The following SYN2 variants were observed in gnomAD, a reference collection of about 807,000 sequenced individuals.
The protein encoded by SYN2 is synapsin-2.
Under a neutral mutation model 50.9 loss-of-function variants are expected in SYN2, and 19 were observed. The ratio of observed to expected loss-of-function variants is 0.37; its 90% CI spans 0.26 to 0.55. SYN2 has a LOEUF of 0.55. SYN2 is among the 20% of genes least tolerant of loss of function. The pLI, the probability that SYN2 is intolerant of heterozygous loss-of-function variation, is 0.81. For missense variants in SYN2, 587 were observed against 576.4 expected, an observed-to-expected ratio of 1.02 and a Z score of -0.19; for synonymous variants, 255 against 224.9, an observed-to-expected ratio of 1.13 and a Z score of -1.20.
intron 1 of SYN2, among the ~76,000 whole-genome samples, chr3:12,111,958 T>C (rs1696326670): frequency 6.6e-6 from 1 of 152,212 alleles, no homozygotes; most frequent in South Asian, 2.1e-4. Context: ...GCATCATTGT[T>C]GTATCCAGCA....
intron 1 of SYN2, among the ~76,000 whole-genome samples, chr3:12,065,592 A>G (rs1344359516): frequency 6.6e-6 from 1 of 152,160 alleles, no homozygotes; most frequent in African/African-American, 2.4e-5. Flanking sequence ...ATGAATTAAT[A>G]ACAGGAACAG....
At position 12,134,212 on chromosome 3, in the gene SYN2, G is replaced by A. The variant is rs560148881; in HGVS notation, c.378-6439G>A. Among the ~76,000 whole-genome samples, 10 of 152,296 alleles carry A rather than the reference G, an allele frequency of 6.6e-5. No individual in the cohort carries two copies. The South Asian group carries it at 1.9e-3, about 28-fold the overall frequency. On this transcript the variant is annotated intron_variant, in intron 1 of 12. Transcript: ENST00000621198. ...GGACTTACTTTAAAATACTCAAACC[G>A]TAGTCTCAACAACAAAAACAGTGAG...
In SYN2 at chr3:12,125,270, G is replaced by A. The variant is rs535771079; in HGVS notation, c.378-15381G>A. Among the ~76,000 whole-genome samples the A allele has an allele frequency of 1.3e-4, 20 of 152,024 alleles. No homozygotes were observed. The East Asian group carries it at 3.7e-3, about 28-fold the overall frequency. ...CCACCTCAGGCTCCCAAAGTGCTGGGACTACAGGCGTGAGCCACCACGCCC... is the reference window on the plus strand; with the variant it reads ...CCACCTCAGGCTCCCAAAGTGCTGGAACTACAGGCGTGAGCCACCACGCCC... On this transcript the variant is annotated intron_variant, in intron 1 of 12. Coordinates refer to ENST00000621198, the MANE Select transcript of SYN2 (RefSeq NM_133625.6).
intron 1 of SYN2, among the ~76,000 whole-genome samples, chr3:12,068,086 T>C (rs1274163527): frequency 6.6e-6 from 1 of 152,208 alleles, no homozygotes; most frequent in East Asian, 1.9e-4. Flanking sequence ...AATGAATAAA[T>C]AAAAATTTGA....
intron 1 of SYN2, among the ~76,000 whole-genome samples, chr3:12,135,060 G>A (rs1034711743): frequency 6.6e-6 from 1 of 152,236 alleles, no homozygotes; most frequent in Non-Finnish European, 1.5e-5. Flanking sequence ...GGAAGTGGAT[G>A]CATACTTGTT....
chr3:12,142,477 C>T (rs965826532), intron 3 of SYN2, among the ~76,000 whole-genome samples: 11 of 152,176 alleles, frequency 7.2e-5, no homozygotes, highest in African/African-American at 2.7e-4. Context: ...GACTCTCCAT[C>T]CTGTATTCTT....
At chr3:12,120,759 G>GT (rs1266306279) in intron 1 of SYN2, among the ~76,000 whole-genome samples, 1 of 152,152 alleles carries the variant, frequency 6.6e-6, no homozygotes, top group Non-Finnish European at 1.5e-5. Flanking sequence ...GCTCTTTGTG[G>GT]TCTGGCCATG....
chr3:12,122,208 C>T (rs1696575801), intron 1 of SYN2, among the ~76,000 whole-genome samples: 1 of 152,142 alleles, frequency 6.6e-6, no homozygotes, highest in South Asian at 2.1e-4. Context: ...TTGGAGTATG[C>T]TTTTGAACTT....
intron 1 of SYN2, among the ~76,000 whole-genome samples, chr3:12,088,585 T>C (rs961412394): frequency 5.9e-5 from 9 of 152,150 alleles, no homozygotes; most frequent in African/African-American, 2.2e-4. Flanking sequence ...CGAAGAGATA[T>C]TTGCACTATG....
chr3:12,057,989 G>A (rs1359967272), intron 1 of SYN2, among the ~76,000 whole-genome samples: 9 of 151,976 alleles, frequency 5.9e-5, no homozygotes, highest in African/African-American at 2.2e-4. Flanking sequence ...TATATTCTGT[G>A]GTCCCATTCC....
At chr3:12,151,721 A>C (rs1184490606) in intron 5 of SYN2, among the ~76,000 whole-genome samples, 1 of 152,200 alleles carries the variant, frequency 6.6e-6, no homozygotes, top group Non-Finnish European at 1.5e-5. Context: ...ATATTCTAAT[A>C]TGGTACAGAC....
chr3:12,130,254 A>ATG (rs1435811490), intron 1 of SYN2, among the ~76,000 whole-genome samples: 124 of 138,322 alleles, frequency 9.0e-4, no homozygotes, highest in African/African-American at 3.1e-3. Context: ...GTGTGTGTGC[A>ATG]TGTGTGTGTG....
intron 4 of SYN2, among the ~76,000 whole-genome samples, chr3:12,150,738 C>G (rs934270809): frequency 6.6e-6 from 1 of 152,188 alleles, no homozygotes; most frequent in Non-Finnish European, 1.5e-5. Flanking sequence ...GCCTCCTGCT[C>G]AAATTCTTGG....
intron 5 of SYN2, among the ~76,000 whole-genome samples, chr3:12,157,977 T>C (rs1456203249): frequency 1.3e-5 from 2 of 152,246 alleles, no homozygotes; most frequent in Non-Finnish European, 2.9e-5. Flanking sequence ...CCAAAAACTG[T>C]TGATGATGTT....
intron 1 of SYN2, among the ~76,000 whole-genome samples, chr3:12,097,669 C>T (rs1408062409): frequency 2.0e-5 from 3 of 151,508 alleles, no homozygotes; most frequent in Non-Finnish European, 4.4e-5. Flanking sequence ...GAATACTATG[C>T]AGCCATAAAA....
At chr3:12,040,558 G>A (rs943141625) in intron 1 of SYN2, among the ~76,000 whole-genome samples, 12 of 149,720 alleles carry the variant, frequency 8.0e-5, no homozygotes, top group South Asian at 2.1e-4. Flanking sequence ...TCAGCCTCCC[G>A]AGTAGCTGGG....
intron 1 of SYN2, among the ~76,000 whole-genome samples, chr3:12,018,056 T>G (rs1306955982): frequency 6.6e-6 from 1 of 152,174 alleles, no homozygotes; most frequent in African/African-American, 2.4e-5. Context: ...ATTTTACATA[T>G]GAAGGAATTA....
rs760490398 is a variant in SYN2, at chr3:12,141,986, A to G, written c.517A>G (p.Lys173Glu). Residue 173 changes from lysine (K) to glutamate (E), a missense_variant, in exon 3 of 13, where the codon AAG becomes GAG. By Grantham distance (56) the Lys-to-Glu change is moderately conservative. Coordinates refer to ENST00000621198, the MANE Select transcript of SYN2 (RefSeq NM_133625.6). Reference sequence around the variant, plus strand: ...TATGCAGGTTCTCCGGAATGGCACAAAGGTTGTCCGGTAAGGGTCTTTCTG... The same window carrying G: ...TATGCAGGTTCTCCGGAATGGCACAGAGGTTGTCCGGTAAGGGTCTTTCTG... ...VDMQVLRNGTKVVRSFRPDFV... is the reference protein window; with the variant it reads ...VDMQVLRNGTEVVRSFRPDFV... The G allele has an allele frequency of 3.8e-6, 3 of 780,708 alleles. No individual in the cohort carries two copies. The highest frequency in any genetic ancestry group is 7.2e-6 in the Non-Finnish European group (3 of 417,962). The allele number at this position is 780,708 out of a possible 1,614,324, so 48.4% of individuals were successfully genotyped here. A position where few individuals can be genotyped will look rare whatever the true frequency, so the allele number is the denominator to read the frequency against.
chr3:12,161,869 G>A, intron 6 of SYN2, 143 bp from the exon 7 acceptor site: 3 of 1,232,618 alleles, frequency 2.4e-6, no homozygotes, highest in Non-Finnish European at 3.3e-6. Flanking sequence ...GGGAGAAGGG[G>A]CCTCCTGGGG....
Sources: gnomAD v4.1 joint callset for allele counts (sites outside exome capture counted in the v4.1 genomes callset) on GRCh38, gnomAD v4.1.1 for gene constraint, MANE v1.5 for transcripts, NCBI Gene and HGNC (gene_info 2026-07-23, HGNC 2026-07-21) for gene names.